TUSC3: variants seen among roughly 807,000 people sequenced by gnomAD.
The protein encoded by TUSC3 is tumor suppressor candidate 3, also known as dolichyl-diphosphooligosaccharide--protein glycosyltransferase subunit TUSC3.
Under a neutral mutation model 44.8 loss-of-function variants are expected in TUSC3, and 45 were observed. That is an observed-to-expected ratio of 1.00 (90% CI 0.79 to 1.29). The LOEUF is 1.29. Among genes scored for constraint, TUSC3 ranks in the 50% most tolerant of loss-of-function variants. The probability of loss-of-function intolerance (pLI) is 0.00; values close to 1 mark genes in which losing one functional copy is unlikely to be tolerated. For missense variants in TUSC3, 519 were observed against 437.9 expected (o/e 1.19, Z -1.65); for synonymous variants, 212 against 152.9 (o/e 1.39, Z -2.85).
chr8:15,719,913 T>C (rs1187042777), intron 6 of TUSC3, among the ~76,000 whole-genome samples: 1 of 152,078 alleles, frequency 6.6e-6, no homozygotes, highest in Non-Finnish European at 1.5e-5. Context: ...TGTTTAGTGC[T>C]ATAAAGGTTT....
chr8:15,537,635 C>T (rs11784308), upstream of TUSC3, among the ~76,000 whole-genome samples: 30,393 of 152,108 alleles, frequency 0.2, 3,031 homozygotes, highest in South Asian at 0.26. Context: ...GAAAACAAAT[C>T]CCTAGGACCC....
chr8:15,434,763 C>A (rs1161078263), intron 1 of TUSC3, among the ~76,000 whole-genome samples: 1 of 151,838 alleles, frequency 6.6e-6, no homozygotes, highest in Non-Finnish European at 1.5e-5. Flanking sequence ...TCAGTTCCCA[C>A]CTGTGAGTGA....
chr8:15,460,747 G>A (rs1176294001), intron 1 of TUSC3, among the ~76,000 whole-genome samples: 2 of 152,088 alleles, frequency 1.3e-5, no homozygotes, highest in African/African-American at 4.8e-5. Context: ...TCCTACATGT[G>A]GTTAGACAAT....
intron 2 of TUSC3, among the ~76,000 whole-genome samples, chr8:15,488,539 T>C (rs10104168): frequency 0.017 from 2,543 of 152,200 alleles, 90 homozygotes; most frequent in African/African-American, 0.059. Flanking sequence ...GGTAATAAAA[T>C]AGACAATGTT....
chr8:15,574,889 C>T (rs1044003149), intron 1 of TUSC3, among the ~76,000 whole-genome samples: 5 of 152,132 alleles, frequency 3.3e-5, no homozygotes, highest in Non-Finnish European at 7.4e-5. Flanking sequence ...CAACTTTATA[C>T]TTTCAATTAT....
chr8:15,496,906 AT>A (rs1800887503), intron 2 of TUSC3, among the ~76,000 whole-genome samples: 1 of 89,896 alleles, frequency 1.1e-5, no homozygotes, highest in Admixed American at 1.0e-4. Context: ...AAAAAGATGA[AT>A]TTATTCATTC....
intron 6 of TUSC3, among the ~76,000 whole-genome samples, chr8:15,702,543 T>C (rs972234904): frequency 6.6e-6 from 1 of 152,108 alleles, no homozygotes; most frequent in Admixed American, 6.5e-5. Flanking sequence ...GTACTCTCTT[T>C]CTAGGCAACC....
At chr8:15,476,180 C>A (rs548997761) in intron 1 of TUSC3, among the ~76,000 whole-genome samples, 30 of 152,270 alleles carry the variant, frequency 2.0e-4, no homozygotes, top group African/African-American at 7.0e-4. Context: ...AGAGAAGAAT[C>A]CGTTTAAAGA....
At chr8:15,837,383 T>A in the TUSC3 span, among the ~76,000 whole-genome samples, 1 of 152,136 alleles carries the variant, frequency 6.6e-6, no homozygotes, top group African/African-American at 2.4e-5. Context: ...TTAGTTTTTA[T>A]TGTCATTGTT....
chr8:15,550,172 C>A (rs1371173234), intron 1 of TUSC3, among the ~76,000 whole-genome samples: 1 of 151,646 alleles, frequency 6.6e-6, no homozygotes, highest in Non-Finnish European at 1.5e-5. Context: ...CTTTAACTAC[C>A]AGGCCCAGGG....
chr8:15,504,567 G>T, intron 2 of TUSC3, among the ~76,000 whole-genome samples: 1 of 104,238 alleles, frequency 9.6e-6, no homozygotes. Flanking sequence ...CCTATTAAAG[G>T]CAACTTTCAG....
intron 5 of TUSC3, among the ~76,000 whole-genome samples, 166 bp from the exon 6 acceptor site, chr8:15,673,581 A>C (rs1417257249): frequency 2.6e-5 from 4 of 152,120 alleles, no homozygotes; most frequent in African/African-American, 9.6e-5. Flanking sequence ...CAGGGAGAAT[A>C]AGTAACTTAC....
intron 2 of TUSC3, among the ~76,000 whole-genome samples, chr8:15,514,272 T>A (rs1801180847): frequency 6.6e-6 from 1 of 152,160 alleles, no homozygotes; most frequent in South Asian, 2.1e-4. Flanking sequence ...GCTGACAAAA[T>A]AGATGTTTTA....
chr8:15,476,095 C>G (rs762312785), intron 1 of TUSC3, among the ~76,000 whole-genome samples: 4 of 152,090 alleles, frequency 2.6e-5, no homozygotes, highest in Admixed American at 2.6e-4. Flanking sequence ...ACTTTTTTAA[C>G]CAATAAAGTG....
At chr8:15,527,821 C>CT (rs2129130363) in intron 2 of TUSC3, among the ~76,000 whole-genome samples, 1 of 152,284 alleles carries the variant, frequency 6.6e-6, no homozygotes, top group African/African-American at 2.4e-5. Flanking sequence ...ACTTAAAATG[C>CT]TTTTTCTGTC....
At chr8:15,820,669 T>C in the TUSC3 span, among the ~76,000 whole-genome samples, 411 of 152,294 alleles carry the variant, frequency 2.7e-3, 2 homozygotes, top group African/African-American at 9.2e-3. Flanking sequence ...ATTGGCATTA[T>C]GCTGGCCTTT....
intron 2 of TUSC3, among the ~76,000 whole-genome samples, chr8:15,630,200 A>C (rs1000942049): frequency 6.6e-6 from 1 of 152,192 alleles, no homozygotes; most frequent in Non-Finnish European, 1.5e-5. Context: ...GTTGAAGGGA[A>C]ATAAAGAACT....
chr8:15,544,621 G>C (rs1422296139), intron 1 of TUSC3, among the ~76,000 whole-genome samples: 1 of 151,756 alleles, frequency 6.6e-6, no homozygotes, highest in African/African-American at 2.4e-5. Context: ...TATCCAGTTA[G>C]TTTTCGTGGC....
intron 1 of TUSC3, among the ~76,000 whole-genome samples, chr8:15,468,202 G>T (rs916256263): frequency 5.3e-5 from 8 of 152,146 alleles, no homozygotes; most frequent in Non-Finnish European, 1.2e-4. Context: ...GTTGGTTTTG[G>T]TTTTTTCCTG....
Sources: gnomAD v4.1 joint callset for allele counts (sites outside exome capture counted in the v4.1 genomes callset) on GRCh38, gnomAD v4.1.1 for gene constraint, MANE v1.5 for transcripts, NCBI Gene and HGNC (gene_info 2026-07-23, HGNC 2026-07-21) for gene names.